Variants in LAMA2 observed in about 807,000 individuals in gnomAD.
LAMA2 encodes the protein laminin subunit alpha 2.
Under a neutral mutation model 364.8 loss-of-function variants are expected in LAMA2, and 269 were observed. The ratio of observed to expected loss-of-function variants is 0.74; its 90% confidence interval spans 0.67 to 0.82. LAMA2 has a LOEUF of 0.82. Among genes scored for constraint, LAMA2 ranks in the 40% least tolerant of loss-of-function variants. The pLI is 0.00. For synonymous variants in LAMA2, 1,379 were observed against 1,370.6 expected, an observed-to-expected ratio of 1.01 and a Z score of -0.14; for missense variants, 3,807 against 3,873.2, an observed-to-expected ratio of 0.98 and a Z score of 0.45.
In LAMA2 at chr6:129,119,109, C is replaced by T. The variant is rs1025800834; in HGVS notation, c.639+20694C>T. ...GCAGCAATTAACATTTGGCATATAT[C>T]CTCCTAGATTTCATTTTTTATGCAT... On this transcript the variant is annotated intron_variant, in intron 4 of 64. Transcript: ENST00000421865. Among the ~76,000 whole-genome samples, 6 of 152,250 alleles carry T rather than the reference C, an allele frequency of 3.9e-5. No homozygotes were observed. In the East Asian group the frequency reaches 5.8e-4, roughly 15 times the overall value.
intron 12 of LAMA2, among the ~76,000 whole-genome samples, chr6:129,239,117 C>A (rs555594958): frequency 6.6e-6 from 1 of 152,148 alleles, no homozygotes; most frequent in Non-Finnish European, 1.5e-5. Context: ...ATGTCAAATA[C>A]TATTCTAGAT....
chr6:129,120,438 T>G (rs1419203055), intron 4 of LAMA2, among the ~76,000 whole-genome samples: 3 of 152,202 alleles, frequency 2.0e-5, no homozygotes, highest in Non-Finnish European at 4.4e-5. Flanking sequence ...CTAATTCATT[T>G]TGAGCTTACA....
intron 12 of LAMA2, among the ~76,000 whole-genome samples, chr6:129,205,491 TATACACACACACACAC>T (rs1444719964): frequency 5.0e-4 from 62 of 123,088 alleles, no homozygotes; most frequent in African/African-American, 2.0e-3. Context: ...TATATATATA[TATACACACACACACAC>T]ACACACACAC....
intron 41 of LAMA2, chr6:129,436,958 T>C (rs1187316695): frequency 6.6e-6 from 1 of 152,124 alleles, no homozygotes; most frequent in East Asian, 1.9e-4. Flanking sequence ...ACAACTTGGT[T>C]ATATATGTTG....
At chr6:129,512,966 G>T (rs937992084) in intron 63 of LAMA2, among the ~76,000 whole-genome samples, 8 of 152,104 alleles carry the variant, frequency 5.3e-5, no homozygotes. Flanking sequence ...AAAGCATCCA[G>T]CTACCATTTC....
chr6:129,513,436 A>T (rs547600808), intron 63 of LAMA2, among the ~76,000 whole-genome samples: 1 of 152,316 alleles, frequency 6.6e-6, no homozygotes, highest in Admixed American at 6.5e-5. Flanking sequence ...ATATGTCACT[A>T]TCATGTGCGT....
intron 4 of LAMA2, among the ~76,000 whole-genome samples, chr6:129,107,782 C>T (rs1479197240): frequency 6.6e-6 from 1 of 152,124 alleles, no homozygotes; most frequent in Non-Finnish European, 1.5e-5. Flanking sequence ...CAGGGTTCCA[C>T]AGCTAGTAAT....
chr6:129,257,889 C>G (rs1210926067), intron 14 of LAMA2, among the ~76,000 whole-genome samples: 3 of 151,996 alleles, frequency 2.0e-5, no homozygotes, highest in Admixed American at 6.5e-5. Context: ...GGCTAGTAGT[C>G]TTTATTGTAT....
intron 41 of LAMA2, among the ~76,000 whole-genome samples, chr6:129,438,307 G>A (rs1781933852): frequency 6.6e-6 from 1 of 151,840 alleles, no homozygotes; most frequent in South Asian, 2.1e-4. Flanking sequence ...ATCAATGGGA[G>A]TGATAACAAG....
intron 58 of LAMA2, among the ~76,000 whole-genome samples, chr6:129,495,211 T>C (rs1331666042): frequency 2.0e-5 from 3 of 152,212 alleles, no homozygotes; most frequent in Non-Finnish European, 4.4e-5. Context: ...TATGTAATGA[T>C]TGTATTTCTA....
chr6:129,055,235 G>A (rs1178432295), intron 2 of LAMA2, among the ~76,000 whole-genome samples: 1 of 144,616 alleles, frequency 6.9e-6, no homozygotes, highest in Admixed American at 6.8e-5. Context: ...TCTGTCACCC[G>A]GGCTGGAGTG....
intron 16 of LAMA2, among the ~76,000 whole-genome samples, chr6:129,269,663 A>G (rs899701707): frequency 7.9e-5 from 12 of 152,122 alleles, no homozygotes; most frequent in Admixed American, 2.0e-4. Flanking sequence ...TAGTTGTATC[A>G]GTGAGATAAC....
At chr6:129,082,049 T>C (rs1774093405) in intron 3 of LAMA2, among the ~76,000 whole-genome samples, 4 of 152,074 alleles carry the variant, frequency 2.6e-5, no homozygotes. Flanking sequence ...AACAAAACAT[T>C]TTACAGTTGG....
chr6:128,948,841 G>A (rs1238282733), intron 1 of LAMA2, among the ~76,000 whole-genome samples: 1 of 151,994 alleles, frequency 6.6e-6, no homozygotes, highest in Non-Finnish European at 1.5e-5. Flanking sequence ...TGCCATGACT[G>A]GAAGCTTCCT....
chr6:129,395,843 C>T lies in LAMA2; in HGVS notation c.5445+2588C>T, dbSNP rs1430774683. 2.6e-5 allele frequency among the ~76,000 whole-genome samples: 4 copies of T among 152,078 alleles called. No homozygotes were observed. The East Asian group carries it at 7.7e-4, about 29-fold the overall frequency. On this transcript the variant is annotated intron_variant, in intron 37 of 64. Transcript: ENST00000421865. ...TTTCAGAAACTGGGAAAAACATATA[C>T]AAAGGCATGGAGGAAAGAAAATGAC...
chr6:129,166,712 A>G (rs1250874481), intron 9 of LAMA2, among the ~76,000 whole-genome samples: 1 of 152,168 alleles, frequency 6.6e-6, no homozygotes, highest in Non-Finnish European at 1.5e-5. Context: ...ATAAAAATGG[A>G]AAAGTAGAAA....
intron 23 of LAMA2, 35 bp from the exon 24 acceptor site, chr6:129,314,620 G>T: frequency 6.2e-7 from 1 of 1,610,090 alleles, no homozygotes; most frequent in Non-Finnish European, 8.5e-7. Flanking sequence ...TAACTTTGCC[G>T]TTATAAACTC....
Position 129,260,752 on chromosome 6 carries a change from C to T in LAMA2, c.2138C>T (p.Thr713Ile). The change falls in exon 15 of 65, where the codon ACT becomes ATT. Residue 713 changes from threonine (T) to isoleucine (I), a missense_variant. By Grantham distance (89) the Thr-to-Ile change is moderately conservative. Around this residue, in one of 3 missense-constraint regions of LAMA2, gnomAD observed 3,333 missense variants for 3,345.7 expected, o/e 1.00. Transcript: ENST00000421865. ...VNLESAVSYP[T>I]DGSIAAAVEV... ...CTTGAATCCGCTGTCTCCTATCCTACTGATGGAAGCATTGCAGCAGCTGTA... is the reference window on the plus strand; with the variant it reads ...CTTGAATCCGCTGTCTCCTATCCTATTGATGGAAGCATTGCAGCAGCTGTA... The T allele has an allele frequency of 1.9e-6, 3 of 1,612,818 alleles. No homozygotes were observed. The highest frequency in any genetic ancestry group is 1.7e-5 in the Admixed American group (1 of 59,984).
chr6:129,160,576 C>T (rs1417605636), intron 8 of LAMA2, among the ~76,000 whole-genome samples: 1 of 151,644 alleles, frequency 6.6e-6, no homozygotes, highest in Non-Finnish European at 1.5e-5. Flanking sequence ...TGATTCTGTT[C>T]TATTTATTAT....
Sources: gnomAD v4.1 joint callset for allele counts (sites outside exome capture counted in the v4.1 genomes callset) on GRCh38, gnomAD v4.1.1 for gene constraint, gnomAD v4.1.1 regional missense constraint, MANE v1.5 for transcripts, NCBI Gene and HGNC (gene_info 2026-07-23, HGNC 2026-07-21) for gene names.